Variants in OSBPL10 observed in about 807,000 individuals in gnomAD.
The protein encoded by OSBPL10 is oxysterol-binding protein-related protein 10.
Under a neutral mutation model 81.7 loss-of-function variants are expected in OSBPL10, and 49 were observed. The ratio of observed to expected loss-of-function variants is 0.60; its 90% CI spans 0.48 to 0.76. The LOEUF is 0.76. Ranked by LOEUF, OSBPL10 falls within the 30% of genes least tolerant of loss-of-function variation. The pLI is 0.00. For synonymous variants in OSBPL10, 419 were observed against 383.6 expected (o/e 1.09, Z -1.08); for missense variants, 923 against 987.8 (o/e 0.93, Z 0.88).
intron 1 of OSBPL10, among the ~76,000 whole-genome samples, chr3:32,069,028 T>C (rs1225723886): frequency 6.6e-6 from 1 of 151,932 alleles, no homozygotes; most frequent in Non-Finnish European, 1.5e-5. Context: ...TGCAACTAGC[T>C]CTCCCCCACC....
At chr3:32,023,377 T>G (rs1391904563) in intron 2 of OSBPL10, among the ~76,000 whole-genome samples, 2 of 152,142 alleles carry the variant, frequency 1.3e-5, no homozygotes, top group African/African-American at 2.4e-5. Flanking sequence ...GTGCTCTTCC[T>G]TTATCTTCCG....
In OSBPL10 at chr3:31,823,441, A is replaced by T. The variant is rs1004667528; in HGVS notation, c.729+6599T>A. ...AGAATGAAGGTAGGAGTGGGTGAGT[A>T]AGCAAGCTCACAGTCTAGGGCAGTG... is the stretch of plus-strand genomic sequence containing the variant. On this transcript the variant is annotated intron_variant, in intron 4 of 11. Transcript: ENST00000396556. Among the ~76,000 whole-genome samples the T allele has an allele frequency of 3.2e-3, 494 of 152,296 alleles. 4 individuals carry two copies. Among genetic ancestry groups the T allele is most frequent in the Non-Finnish European group, 5.4e-3 (364 of 68,020 alleles).
chr3:31,990,703 G>T (rs766224466), intron 2 of OSBPL10: 7 of 1,614,120 alleles, frequency 4.3e-6, no homozygotes, highest in Non-Finnish European at 5.1e-6. Flanking sequence ...CAAATGTGAA[G>T]AATGTGACAC....
intron 1 of OSBPL10, among the ~76,000 whole-genome samples, chr3:31,923,284 G>A (rs180695407): frequency 5.3e-5 from 8 of 152,258 alleles, no homozygotes; most frequent in Non-Finnish European, 1.2e-4. Flanking sequence ...TATGGCTGTT[G>A]TCCCTGGTTC....
At chr3:31,858,906 A>T (rs1349605553) in intron 3 of OSBPL10, among the ~76,000 whole-genome samples, 1 of 152,228 alleles carries the variant, frequency 6.6e-6, no homozygotes, top group Non-Finnish European at 1.5e-5. Flanking sequence ...TTCAGGTAGA[A>T]CTTGGCTTAA....
rs148747026 is a variant in OSBPL10, at chr3:31,674,492, C to T, written c.1727-3509G>A. Among the ~76,000 whole-genome samples, 1,282 of 152,072 alleles carry T rather than the reference C, an allele frequency of 8.4e-3. 21 individuals are homozygous for T. Among genetic ancestry groups the T allele is most frequent in the African/African-American group, 0.028 (1,158 of 41,474 alleles). ...GGAGGATCACTTGAGCCCGGGAGGT[C>T]GAGGCTGCAGTGAGCCATGGTCACG... On this transcript the variant is annotated intron_variant, in intron 8 of 11. Transcript: ENST00000396556.
At chr3:31,766,325 T>G (rs374941050) in intron 4 of OSBPL10, among the ~76,000 whole-genome samples, 7 of 62,988 alleles carry the variant, frequency 1.1e-4, no homozygotes, top group African/African-American at 3.1e-4. Context: ...AATGTAGTTT[T>G]TTTGTTTTTT....
rs191806341 is a variant in OSBPL10 at position 31,810,091 on chromosome 3, G to A, written c.729+19949C>T. Among the ~76,000 whole-genome samples, 103 of 151,968 alleles carry A rather than the reference G, an allele frequency of 6.8e-4. No homozygotes were observed. In the East Asian group the frequency reaches 0.011, roughly 16 times the overall value. ...TCTCCATGTTGGTCAGGCTGGTCTC[G>A]AACTCCTGACCTTAGGTGATCCACC... On this transcript the variant is annotated intron_variant, in intron 4 of 11. Coordinates refer to ENST00000396556, the MANE Select transcript of OSBPL10 (RefSeq NM_017784.5).
rs138522708 is a variant in OSBPL10 at position 31,822,353 on chromosome 3, A to C, written c.729+7687T>G. The C allele has an allele frequency of 1.3e-3, 204 of 152,328 alleles. 3 individuals are homozygous for C. The highest frequency in any genetic ancestry group is 4.2e-3 in the African/African-American group (175 of 41,574). The allele number at this position is 152,328 out of a possible 1,614,324, so 9.4% of individuals were successfully genotyped here. ...AAATCTCTATTTGTGCTTCACACAC[A>C]CCCAATATTCAACAGCACCACCTTT... On this transcript the variant is annotated intron_variant, in intron 4 of 11. Transcript: ENST00000396556.
At position 31,895,313 on chromosome 3, in the gene OSBPL10, T is replaced by C. The variant is rs566788649; in HGVS notation, c.282-15483A>G. Among the ~76,000 whole-genome samples the C allele has an allele frequency of 2.1e-4, 32 of 151,446 alleles. 1 individual carries two copies. The South Asian group carries it at 6.5e-3, about 31-fold the overall frequency. ...CGCCCGGCTAATTTTTTTTTTTGTATTTTTAGTAGAGATGGGGGTTTCACC... is the reference window on the plus strand; with the variant it reads ...CGCCCGGCTAATTTTTTTTTTTGTACTTTTAGTAGAGATGGGGGTTTCACC... On this transcript the variant is annotated intron_variant, in intron 1 of 11. Transcript: ENST00000396556.
At chr3:31,677,770 T>A (rs1287706152) in intron 8 of OSBPL10, among the ~76,000 whole-genome samples, 1 of 151,994 alleles carries the variant, frequency 6.6e-6, no homozygotes, top group Non-Finnish European at 1.5e-5. Flanking sequence ...ACACGGACAC[T>A]CAACAACGGC....
chr3:31,788,044 A>C (rs1698903074), intron 4 of OSBPL10, among the ~76,000 whole-genome samples: 2 of 152,242 alleles, frequency 1.3e-5, no homozygotes, highest in African/African-American at 4.8e-5. Context: ...GACAAAGATG[A>C]GAAAATGTTG....
At chr3:31,958,378 G>A (rs1698067360) in intron 1 of OSBPL10, among the ~76,000 whole-genome samples, 1 of 152,162 alleles carries the variant, frequency 6.6e-6, no homozygotes, top group Non-Finnish European at 1.5e-5. Flanking sequence ...TAGTTTGTAT[G>A]TTTTAGGCCT....
intron 2 of OSBPL10, chr3:32,045,928 TC>T (rs1238430610): frequency 1.3e-5 from 2 of 152,228 alleles, no homozygotes; most frequent in Non-Finnish European, 2.9e-5. Flanking sequence ...CAGGTTGAAC[TC>T]CTTGTTCCAC....
chr3:31,753,430 C>T (rs1408911993), intron 4 of OSBPL10, among the ~76,000 whole-genome samples: 1 of 152,082 alleles, frequency 6.6e-6, no homozygotes, highest in Admixed American at 6.5e-5. Flanking sequence ...GGTGATCTGC[C>T]CGCCGCAGCC....
chr3:32,035,472 G>C (rs1004253560), intron 2 of OSBPL10, among the ~76,000 whole-genome samples: 1 of 145,844 alleles, frequency 6.9e-6, no homozygotes, highest in African/African-American at 2.5e-5. Flanking sequence ...TGAGGCAGGA[G>C]AATGGCTTGA....
chr3:32,045,991 A>C (rs1474886096), intron 2 of OSBPL10: 4 of 152,220 alleles, frequency 2.6e-5, no homozygotes, highest in Admixed American at 2.0e-4. Flanking sequence ...ACAACAAACA[A>C]ACACCAGAAT....
chr3:32,033,083 G>A (rs1170659281), intron 2 of OSBPL10, among the ~76,000 whole-genome samples: 1 of 152,130 alleles, frequency 6.6e-6, no homozygotes. Flanking sequence ...CAAGTTGTGT[G>A]TTACTGAACA....
At chr3:31,993,639 A>G (rs925795410) in intron 2 of OSBPL10, among the ~76,000 whole-genome samples, 3 of 152,026 alleles carry the variant, frequency 2.0e-5, no homozygotes, top group South Asian at 2.1e-4. Context: ...TAAAACTACA[A>G]TGAGATACTA....
Sources: gnomAD v4.1 joint callset for allele counts (sites outside exome capture counted in the v4.1 genomes callset) on GRCh38, gnomAD v4.1.1 for gene constraint, MANE v1.5 for transcripts, NCBI Gene and HGNC (gene_info 2026-07-23, HGNC 2026-07-21) for gene names.